Variants in DCAF6 observed in about 807,000 individuals in gnomAD.
DCAF6 encodes the protein DDB1 and CUL4 associated factor 6, also known as DDB1- and CUL4-associated factor 6.
A neutral mutation model predicts 125.1 loss-of-function variants in DCAF6; 54 were observed. That is an observed-to-expected ratio of 0.43 (90% CI 0.35 to 0.54). DCAF6 has a LOEUF of 0.54. Among genes scored for constraint, DCAF6 ranks in the 20% least tolerant of loss-of-function variants. DCAF6 has a pLI of 0.01. For missense variants in DCAF6, 934 were observed against 1,161.7 expected (o/e 0.80, Z 2.85); for synonymous variants, 371 against 390.4 (o/e 0.95, Z 0.58).
chr1:167,893,703 A>C, the DCAF6 span: 1 of 488,362 alleles, frequency 2.0e-6, no homozygotes, highest in African/African-American at 2.3e-5. Flanking sequence ...CTCAAAAAAA[A>C]AAAAAAAAAA....
At chr1:167,872,286 C>G in the DCAF6 span, among the ~76,000 whole-genome samples, 1 of 151,540 alleles carries the variant, frequency 6.6e-6, no homozygotes, top group Non-Finnish European at 1.5e-5. Context: ...TACAGTAAGC[C>G]GAGATGGCGC....
At chr1:167,951,301 G>A (rs1296357704) in intron 1 of DCAF6, among the ~76,000 whole-genome samples, 5 of 152,148 alleles carry the variant, frequency 3.3e-5, no homozygotes, top group East Asian at 1.9e-4. Context: ...CAGGCCGGGC[G>A]TGGTGGCTCA....
chr1:167,893,334 G>A, the DCAF6 span, among the ~76,000 whole-genome samples: 1 of 152,188 alleles, frequency 6.6e-6, no homozygotes, highest in Non-Finnish European at 1.5e-5. Flanking sequence ...TTTTATGCCT[G>A]TTGTCATATT....
Position 168,002,528 on chromosome 1 carries a change from C to A in DCAF6, c.950C>A (p.Ser317Ter). The change falls in exon 8 of 22, where the codon TCA becomes TAA. Residue 317 changes from serine to a stop codon, truncating the protein, a stop_gained. Transcript: ENST00000367840. LOFTEE classifies it high-confidence loss of function. ...VKRLRLRGDW[S>*]DTGPRARPES... ...CGTTTGAGACTTCGTGGTGATTGGT[C>A]AGATACTGGACCCAGAGCAAGGCCG... 2 of 1,613,004 alleles carry A rather than the reference C, an allele frequency of 1.2e-6. No individual in the cohort carries two copies. The highest frequency in any genetic ancestry group is 2.2e-5 in the South Asian group (2 of 91,016).
intron 1 of DCAF6, among the ~76,000 whole-genome samples, chr1:167,942,132 C>T (rs967740819): frequency 2.0e-5 from 3 of 152,178 alleles, no homozygotes; most frequent in Admixed American, 1.3e-4. Context: ...ATGGCATGAT[C>T]TTGGCTTACC....
intron 6 of DCAF6, among the ~76,000 whole-genome samples, chr1:167,992,849 A>G (rs533432479): frequency 6.6e-6 from 1 of 152,368 alleles, no homozygotes; most frequent in South Asian, 2.1e-4. Context: ...ATACTAATGT[A>G]TGTAGTATGC....
At chr1:168,037,252 T>G (rs1412888390) in intron 12 of DCAF6, among the ~76,000 whole-genome samples, 1 of 152,128 alleles carries the variant, frequency 6.6e-6, no homozygotes, top group Non-Finnish European at 1.5e-5. Context: ...ATATAAGTCC[T>G]TCATTGCAAT....
intron 1 of DCAF6, among the ~76,000 whole-genome samples, chr1:167,949,866 G>A (rs1384535633): frequency 2.0e-5 from 3 of 152,042 alleles, no homozygotes; most frequent in African/African-American, 7.2e-5. Context: ...CTATTTCTTG[G>A]TATTACATTT....
chr1:167,995,483 C>T (rs1681515222), intron 7 of DCAF6, among the ~76,000 whole-genome samples: 1 of 151,964 alleles, frequency 6.6e-6, no homozygotes, highest in South Asian at 2.1e-4. Flanking sequence ...AGTTCAAGAC[C>T]AACCTGGCCA....
At chr1:167,921,106 G>C in the DCAF6 span, among the ~76,000 whole-genome samples, 3 of 152,042 alleles carry the variant, frequency 2.0e-5, no homozygotes, top group Non-Finnish European at 4.4e-5. Context: ...TTTAGATTTG[G>C]GGTATATGTG....
chr1:168,065,633 G>A lies in DCAF6; in HGVS notation c.2483G>A (p.Gly828Asp). Residue 828 changes from glycine to aspartate, a missense_variant, in exon 19 of 22, where the codon GGT becomes GAT. By Grantham distance (94) the Gly-to-Asp change is moderately conservative. This residue lies in a region of DCAF6 where 559 missense variants were observed against 635.5 expected (regional missense o/e 0.88). Transcript: ENST00000367840. ...NFWGANFVMS[G>D]SDCGHIFIWD... ...TGGGGTGCTAACTTTGTAATGAGTG[G>A]TTCTGACTGTGGCCACATTTTCATC... The A allele has an allele frequency of 6.2e-7, 1 of 1,612,524 alleles. No individual in the cohort carries two copies. Among genetic ancestry groups the A allele is most frequent in the Non-Finnish European group, 8.5e-7 (1 of 1,179,114 alleles).
intron 18 of DCAF6, 44 bp downstream of exon 18, chr1:168,063,803 T>C: frequency 6.4e-7 from 1 of 1,569,344 alleles, no homozygotes. Context: ...TGCAGTTTCA[T>C]GCTCTGAGTG....
chr1:167,978,616 A>G (rs1678608542), intron 4 of DCAF6, among the ~76,000 whole-genome samples: 1 of 152,150 alleles, frequency 6.6e-6, no homozygotes, highest in Non-Finnish European at 1.5e-5. Context: ...TATCTTCTGC[A>G]TATGAGCCTA....
chr1:167,970,932 G>A (rs1187017473), intron 3 of DCAF6, among the ~76,000 whole-genome samples: 1 of 151,982 alleles, frequency 6.6e-6, no homozygotes, highest in African/African-American at 2.4e-5. Context: ...TCCCATTAGG[G>A]TACCCTATTA....
At chr1:167,925,546 G>GTTTTTTTTTTTT in the DCAF6 span, among the ~76,000 whole-genome samples, 9 of 101,826 alleles carry the variant, frequency 8.8e-5, no homozygotes, top group African/African-American at 2.5e-4. Flanking sequence ...TTTTTTTTTG[G>GTTTTTTTTTTTT]TTTTTTTTGT....
chr1:168,025,893 T>A (rs1358682966), intron 12 of DCAF6, among the ~76,000 whole-genome samples: 1 of 152,176 alleles, frequency 6.6e-6, no homozygotes, highest in Non-Finnish European at 1.5e-5. Flanking sequence ...CATGACTTGA[T>A]TTCTGTATCT....
intron 4 of DCAF6, among the ~76,000 whole-genome samples, chr1:167,984,713 G>T (rs983913164): frequency 2.6e-5 from 4 of 152,012 alleles, no homozygotes; most frequent in Non-Finnish European, 4.4e-5. Flanking sequence ...TACTTATTTA[G>T]GTTGAATATA....
chr1:167,980,688 C>A (rs1678968157), intron 4 of DCAF6, among the ~76,000 whole-genome samples: 1 of 151,794 alleles, frequency 6.6e-6, no homozygotes, highest in African/African-American at 2.4e-5. Context: ...TTTATATATT[C>A]CGAATATTAT....
chr1:168,058,689 C>T (rs1323916733), intron 17 of DCAF6, among the ~76,000 whole-genome samples: 3 of 152,320 alleles, frequency 2.0e-5, no homozygotes, highest in Middle Eastern at 3.4e-3. Flanking sequence ...CTGCCTTAGC[C>T]TCCCAGGTAG....
Sources: gnomAD v4.1 joint callset for allele counts (sites outside exome capture counted in the v4.1 genomes callset) on GRCh38, gnomAD v4.1.1 for gene constraint, gnomAD v4.1.1 regional missense constraint, MANE v1.5 for transcripts, NCBI Gene and HGNC (gene_info 2026-07-23, HGNC 2026-07-21) for gene names.